Variants in DHX8 observed in about 807,000 individuals in gnomAD.
The protein encoded by DHX8 is ATP-dependent RNA helicase DHX8.
DHX8 carries 67 observed loss-of-function variants against 140.7 expected under a neutral mutation model. That is an observed-to-expected ratio of 0.48 (90% CI 0.39 to 0.58). DHX8 has a LOEUF of 0.58. Ranked by LOEUF, DHX8 falls within the 20% of genes least tolerant of loss-of-function variation. DHX8 has a pLI of 0.00. For missense variants in DHX8, 887 were observed against 1,550.7 expected (o/e 0.57, Z 7.19); for synonymous variants, 533 against 553.2 (o/e 0.96, Z 0.51).
chr17:43,506,157 A>C (rs1217023183), intron 12 of DHX8, among the ~76,000 whole-genome samples: 1 of 151,852 alleles, frequency 6.6e-6, no homozygotes, highest in Non-Finnish European at 1.5e-5. Flanking sequence ...GGCATACACC[A>C]TCATGCTCAG....
At chr17:43,497,265 G>A (rs1245404976) in intron 9 of DHX8, among the ~76,000 whole-genome samples, 1 of 141,852 alleles carries the variant, frequency 7.0e-6, no homozygotes, top group Non-Finnish European at 1.6e-5. Flanking sequence ...TATTTATATT[G>A]GTATTTCACT....
chr17:43,514,307 T>C (rs192434895), intron 17 of DHX8, among the ~76,000 whole-genome samples: 1,622 of 152,256 alleles, frequency 0.011, 26 homozygotes, highest in South Asian at 0.037. Flanking sequence ...ATAGCATCAC[T>C]GCACTCTAGC....
chr17:43,498,848 G>A lies in DHX8; in HGVS notation c.1301-14G>A. Reference sequence around the variant, plus strand: ...CTTGTTTATGGCTAATTCTTCTTTTGGGGGGACTTTTAGATGAGGACCTTG... The same window carrying A: ...CTTGTTTATGGCTAATTCTTCTTTTAGGGGGACTTTTAGATGAGGACCTTG... On this transcript the variant is annotated splice_polypyrimidine_tract_variant and intron_variant, in intron 9 of 22. Coordinates refer to ENST00000262415, the MANE Select transcript of DHX8 (RefSeq NM_004941.3). 6.3e-7 allele frequency: 1 copy of A among 1,580,304 alleles called. No homozygotes were observed. The highest frequency in any genetic ancestry group is 8.6e-7 in the Non-Finnish European group (1 of 1,163,550).
downstream of DHX8, chr17:43,526,489 C>T (rs1970622711): frequency 6.5e-7 from 1 of 1,535,614 alleles, no homozygotes; most frequent in Non-Finnish European, 8.7e-7. Flanking sequence ...GACTGTCTCT[C>T]CTGCAGCCCA....
At position 43,490,406 on chromosome 17, in the gene DHX8, A is replaced by C; in HGVS notation, c.250A>C (p.Asn84His). 6.2e-7 allele frequency: 1 copy of C among 1,613,464 alleles called. No individual in the cohort carries two copies. Among genetic ancestry groups the C allele is most frequent in the Non-Finnish European group, 8.5e-7 (1 of 1,179,812 alleles). The part of the protein sequence containing the change: ...GAEFTDSLIS[N>H]LLRLIQTMRP... ...CTTTTCAAAGGATTCTCTTATTAGT[A>C]ACTTGCTGCGTCTCATACAAACCAT... Residue 84 changes from asparagine (N) to histidine (H), a missense_variant, in exon 3 of 23, where the codon AAC (asparagine) becomes CAC (histidine). Around this residue, in one of 9 missense-constraint regions of DHX8, gnomAD observed 304 missense variants for 306.9 expected, o/e 0.99. Transcript: ENST00000262415.
chr17:43,497,262 A>G (rs1479258066), intron 9 of DHX8, among the ~76,000 whole-genome samples: 21 of 143,810 alleles, frequency 1.5e-4, no homozygotes, highest in Admixed American at 1.4e-3. Flanking sequence ...TGATATTTAT[A>G]TTGGTATTTC....
chr17:43,528,704 G>A (rs1353895815), downstream of DHX8: 4 of 1,614,134 alleles, frequency 2.5e-6, no homozygotes, highest in Admixed American at 3.3e-5. Context: ...AGGGCCTCGG[G>A]CTCACACACA....
At position 43,499,943 on chromosome 17, in the gene DHX8, T is replaced by G. The variant is rs750036591; in HGVS notation, c.1399-13T>G. ...ACATTTAATCCATGTTGTTTTTTCTTCTGTTGCACCAGAACCCAGACGGCT... is the reference window on the plus strand; with the variant it reads ...ACATTTAATCCATGTTGTTTTTTCTGCTGTTGCACCAGAACCCAGACGGCT... On this transcript the variant is annotated splice_polypyrimidine_tract_variant and intron_variant, in intron 10 of 22. Transcript: ENST00000262415. 2.1e-5 allele frequency: 34 copies of G among 1,612,476 alleles called. No homozygotes were observed. Among genetic ancestry groups the G allele is most frequent in the Non-Finnish European group, 1.7e-6 (2 of 1,179,484 alleles).
At chr17:43,532,163 GC>G (rs1446813867) in intron 2 of DHX8, among the ~76,000 whole-genome samples, 2 of 152,126 alleles carry the variant, frequency 1.3e-5, no homozygotes, top group Admixed American at 6.6e-5. Context: ...TGCCCCGGGG[GC>G]CCCCCTTATC....
At chr17:43,490,547 G>A in intron 3 of DHX8, 84 bp downstream of exon 3, 1 of 1,154,740 alleles carries the variant, frequency 8.7e-7, no homozygotes, top group South Asian at 1.3e-5. Flanking sequence ...TTTCCTCTCA[G>A]CAGTTGCTGA....
intron 2 of DHX8, 104 bp from the exon 3 acceptor site, chr17:43,490,287 C>T: frequency 2.5e-6 from 2 of 808,942 alleles, no homozygotes; most frequent in Non-Finnish European, 4.1e-6. Context: ...TAGCTAAATT[C>T]AAGTGCGTAA....
Position 43,525,158 on chromosome 17 carries a change from C to G in DHX8, c.*1311C>G. 5.1e-6 allele frequency: 5 copies of G among 985,400 alleles called. No homozygotes were observed. The highest frequency in any genetic ancestry group is 6.0e-6 in the Non-Finnish European group (5 of 829,948). The allele number at this position is 985,400 out of a possible 1,614,324, so 61.0% of individuals were successfully genotyped here. ...TTGCCAGGCCAGGTTTCGGAACTTA[C>G]GGAAAGCTGGTCTGGATGTAGTGCT... On this transcript the variant is annotated 3_prime_UTR_variant, in exon 23 of 23. Transcript: ENST00000262415.
At chr17:43,504,961 G>C (rs1969405658) in intron 12 of DHX8, 136 bp downstream of exon 12, 3 of 850,542 alleles carry the variant, frequency 3.5e-6, no homozygotes, top group Non-Finnish European at 5.3e-6. Flanking sequence ...AAGAAAGAAG[G>C]ATAAAACTTT....
Position 43,498,926 on chromosome 17 carries a change from A to C in DHX8, c.1365A>C (p.Gln455His), listed in dbSNP as rs748550548. 6.3e-7 allele frequency: 1 copy of C among 1,587,224 alleles called. No homozygotes were observed. Among genetic ancestry groups the C allele is most frequent in the South Asian group, 1.2e-5 (1 of 86,572 alleles). ...CATTCCTGAGAGGGCACACTAAGCA[A>C]AGCATGGACATGAGCCCCATTAAAA... ...EPPFLRGHTK[Q>H]SMDMSPIKIV... Residue 455 changes from glutamine to histidine, a missense_variant, in exon 10 of 23, where the codon CAA becomes CAC. Transcript: ENST00000262415.
chr17:43,543,331 C>G (rs928491223), intron 3 of DHX8, among the ~76,000 whole-genome samples: 12 of 149,278 alleles, frequency 8.0e-5, no homozygotes, highest in Non-Finnish European at 1.8e-4. Context: ...GACACTGACA[C>G]AGACAGACAT....
chr17:43,516,710 A>T (rs186166094), intron 17 of DHX8, among the ~76,000 whole-genome samples: 1 of 152,188 alleles, frequency 6.6e-6, no homozygotes, highest in Non-Finnish European at 1.5e-5. Flanking sequence ...TGGCCTCCCA[A>T]AGTGCTGGGA....
At chr17:43,495,327 A>T (rs1968793561) in intron 8 of DHX8, among the ~76,000 whole-genome samples, 1 of 152,190 alleles carries the variant, frequency 6.6e-6, no homozygotes, top group African/African-American at 2.4e-5. Context: ...TGCCCAGGCA[A>T]GAGTGCAGTG....
At chr17:43,490,615 G>A in intron 3 of DHX8, 152 bp downstream of exon 3, 2 of 649,506 alleles carry the variant, frequency 3.1e-6, no homozygotes, top group Admixed American at 3.3e-5. Context: ...GCTCACTGCT[G>A]GAATCCCAGC....
At chr17:43,490,576 A>G (rs1483245537) in intron 3 of DHX8, 113 bp downstream of exon 3, 4 of 894,746 alleles carry the variant, frequency 4.5e-6, no homozygotes, top group African/African-American at 3.4e-5. Flanking sequence ...ATGTTCCAGT[A>G]AGATTTTTCA....
Sources: gnomAD v4.1 joint callset for allele counts (sites outside exome capture counted in the v4.1 genomes callset) on GRCh38, gnomAD v4.1.1 for gene constraint, gnomAD v4.1.1 regional missense constraint, MANE v1.5 for transcripts, NCBI Gene and HGNC (gene_info 2026-07-23, HGNC 2026-07-21) for gene names.